PARP16: variants seen among roughly 807,000 people sequenced by gnomAD.
PARP16 encodes the protein poly(ADP-ribose) polymerase family member 16.
Under a neutral mutation model 35.0 loss-of-function variants are expected in PARP16, and 31 were observed. That is an observed-to-expected ratio of 0.88 (90% confidence interval 0.66 to 1.19). The LOEUF (loss-of-function observed/expected upper bound fraction) is 1.19. Ranked by LOEUF, PARP16 falls within the 50% of genes most tolerant of loss-of-function variation. PARP16 has a pLI of 0.00. For synonymous variants in PARP16, 162 were observed against 169.5 expected, an observed-to-expected ratio of 0.96 and a Z score of 0.34; for missense variants, 424 against 411.2, an observed-to-expected ratio of 1.03 and a Z score of -0.27.
At chr15:65,272,299 AG>A (rs1199665890) in intron 1 of PARP16, among the ~76,000 whole-genome samples, 3 of 152,212 alleles carry the variant, frequency 2.0e-5, no homozygotes, top group African/African-American at 7.2e-5. Flanking sequence ...TTGTCATTGC[AG>A]CACATTATTT....
Position 65,286,435 on chromosome 15 carries a change from A to C in PARP16, c.-9T>G. 1 of 1,477,290 alleles carries C rather than the reference A, an allele frequency of 6.8e-7. No homozygotes were observed. The highest frequency in any genetic ancestry group is 9.0e-7 in the Non-Finnish European group (1 of 1,117,076). 91.5% of individuals were successfully genotyped at this position (1,477,290 alleles called of 1,614,324 possible). On this transcript the variant is annotated 5_prime_UTR_variant, in exon 1 of 6. Transcript: ENST00000649807. ...CAGCCTGAGGGCTGCATCCCAGGTC[A>C]CTGCGCGTTGCCGGGGTAGACGCGC...
In PARP16 at chr15:65,286,420, G is replaced by A. The variant is rs1235005195; in HGVS notation, c.7C>T (p.Pro3Ser). The change falls in exon 1 of 6, where the codon CCC (proline) becomes TCC (serine). Residue 3 changes from proline (P) to serine (S), a missense_variant. Coordinates refer to ENST00000649807, the MANE Select transcript of PARP16 (RefSeq NM_001316943.2). ...TCCCTGGCGGCCGCCCAGCCTGAGG[G>A]CTGCATCCCAGGTCACTGCGCGTTG... MQ[P>S]SGWAAAREAA... is the part of the protein sequence containing the mutation. 6.6e-7 allele frequency: 1 copy of A among 1,525,498 alleles called. No homozygotes were observed. The allele number at this position is 1,525,498 out of a possible 1,614,324, so 94.5% of individuals were successfully genotyped here. A position where few individuals can be genotyped will look rare whatever the true frequency, so the allele number is the denominator to read the frequency against.
intron 1 of PARP16, among the ~76,000 whole-genome samples, chr15:65,280,557 T>C (rs1157270346): frequency 6.6e-6 from 1 of 152,066 alleles, no homozygotes; most frequent in Non-Finnish European, 1.5e-5. Context: ...CAAAGTATTA[T>C]TTATAAAAGC....
chr15:65,273,802 G>A (rs533566584), intron 1 of PARP16, among the ~76,000 whole-genome samples: 18 of 151,930 alleles, frequency 1.2e-4, no homozygotes, highest in African/African-American at 4.1e-4. Flanking sequence ...CTTGAACCCA[G>A]GAGGTGGAGG....
At chr15:65,260,743 C>A in intron 5 of PARP16, 142 bp downstream of exon 5, 1 of 720,238 alleles carries the variant, frequency 1.4e-6, no homozygotes, top group Admixed American at 2.2e-5. Context: ...CTATCTCTCA[C>A]TTCTCACCGT....
chr15:65,259,361 C>T lies in PARP16; in HGVS notation c.*46G>A, dbSNP rs779502922. The stretch of plus-strand genomic sequence containing the variant: ...GCATAGGAGGTACAGAACAAGTTAC[C>T]ATAAGGCACATAGTTGAGGTAGCCC... On this transcript the variant is annotated 3_prime_UTR_variant, in exon 6 of 6. Transcript: ENST00000649807. 2.5e-6 allele frequency: 4 copies of T among 1,606,694 alleles called. No individual in the cohort carries two copies. The Admixed American group carries it at 6.7e-5, about 27-fold the overall frequency.
downstream of PARP16, among the ~76,000 whole-genome samples, chr15:65,233,403 A>G (rs2088806136): frequency 6.6e-6 from 1 of 152,026 alleles, no homozygotes; most frequent in Non-Finnish European, 1.5e-5. Flanking sequence ...CTCCGTCTCA[A>G]AAAAAACAAA....
downstream of PARP16, among the ~76,000 whole-genome samples, chr15:65,253,336 C>CTT (rs113104111): frequency 5.5e-5 from 8 of 146,178 alleles, no homozygotes; most frequent in African/African-American, 1.5e-4. Flanking sequence ...ATTTCATTCT[C>CTT]TTTTTTTTTT....
chr15:65,238,545 T>G (rs2088953750), intron 3 of PARP16, among the ~76,000 whole-genome samples: 1 of 152,182 alleles, frequency 6.6e-6, no homozygotes, highest in African/African-American at 2.4e-5. Flanking sequence ...GTTTAGGTCT[T>G]ATAATCTCTC....
chr15:65,250,994 G>A (rs778879002), intron 2 of PARP16, among the ~76,000 whole-genome samples: 6 of 151,750 alleles, frequency 4.0e-5, no homozygotes, highest in African/African-American at 7.3e-5. Context: ...AGCGATTCTC[G>A]TGCCTCAGCC....
intron 1 of PARP16, among the ~76,000 whole-genome samples, chr15:65,280,880 G>A (rs1410245434): frequency 6.6e-6 from 1 of 152,214 alleles, no homozygotes; most frequent in Non-Finnish European, 1.5e-5. Flanking sequence ...CCCCAAATGA[G>A]AACAGGGTAA....
At chr15:65,239,536 T>G (rs1041566189) in intron 3 of PARP16, among the ~76,000 whole-genome samples, 1 of 150,852 alleles carries the variant, frequency 6.6e-6, no homozygotes, top group Non-Finnish European at 1.5e-5. Flanking sequence ...CTCGTGCTCC[T>G]TTGAAATCCA....
rs1346750194 is a variant in PARP16 at position 65,263,300 on chromosome 15, C to T, written c.540G>A (p.Gly180=). The change falls in exon 4 of 6, where the codon GGG becomes GGA. Residue 180 remains glycine (G), a synonymous_variant. Coordinates refer to ENST00000649807, the MANE Select transcript of PARP16 (RefSeq NM_001316943.2). ...GGCTCAAGTCACTGGTGAGGTAGGT[C>T]CCCTCTCCGAACAAGGATGTCTGCA... ...HLNKTSLFGE[G]TYLTSDLSLA... is the part of the protein sequence containing the mutation. 2 of 1,597,380 alleles carry T rather than the reference C, an allele frequency of 1.3e-6. No homozygotes were observed. Among genetic ancestry groups the T allele is most frequent in the African/African-American group, 1.3e-5 (1 of 74,276 alleles).
intron 2 of PARP16, chr15:65,248,320 G>C: frequency 2.2e-6 from 1 of 455,746 alleles, no homozygotes; most frequent in Non-Finnish European, 4.4e-6. Context: ...GAATGCTTCT[G>C]CACAAATAGG....
intron 3 of PARP16, among the ~76,000 whole-genome samples, chr15:65,236,110 C>G (rs1331942435): frequency 6.6e-6 from 1 of 152,012 alleles, no homozygotes; most frequent in Non-Finnish European, 1.5e-5. Flanking sequence ...TCACCCACCT[C>G]GGCCACCCAA....
At chr15:65,272,097 GATCTC>G (rs901695246) in intron 1 of PARP16, among the ~76,000 whole-genome samples, 2 of 152,194 alleles carry the variant, frequency 1.3e-5, no homozygotes, top group African/African-American at 4.8e-5. Context: ...ACCCCATGTG[GATCTC>G]ATCTCTTTAC....
intron 3 of PARP16, among the ~76,000 whole-genome samples, chr15:65,247,777 C>A (rs1376488008): frequency 6.6e-6 from 1 of 150,664 alleles, no homozygotes; most frequent in Non-Finnish European, 1.5e-5. Context: ...CACACACAGG[C>A]ACTTAGACCA....
chr15:65,235,614 G>A (rs1385419787), intron 3 of PARP16, among the ~76,000 whole-genome samples: 6 of 138,438 alleles, frequency 4.3e-5, no homozygotes, highest in African/African-American at 1.7e-4. Flanking sequence ...ACCAGCCCAG[G>A]CAATATGGTA....
intron 1 of PARP16, among the ~76,000 whole-genome samples, chr15:65,273,851 G>C (rs1180183115): frequency 6.7e-6 from 1 of 148,716 alleles, no homozygotes; most frequent in Non-Finnish European, 1.5e-5. Flanking sequence ...ACTCCAGCCT[G>C]GGCAACAATA....
Sources: gnomAD v4.1 joint callset for allele counts (sites outside exome capture counted in the v4.1 genomes callset) on GRCh38, gnomAD v4.1.1 for gene constraint, MANE v1.5 for transcripts, NCBI Gene and HGNC (gene_info 2026-07-23, HGNC 2026-07-21) for gene names.